The following ASIC2 variants were observed in gnomAD, a reference collection of about 807,000 sequenced individuals.
ASIC2 encodes acid-sensing ion channel 2.
A neutral mutation model predicts 57.3 loss-of-function variants in ASIC2; 25 were observed. The observed-to-expected ratio is 0.44, with a 90% CI of 0.32 to 0.61. ASIC2 has a LOEUF of 0.61. Among genes scored for constraint, ASIC2 ranks in the 20% least tolerant of loss-of-function variants. The pLI is 0.06. For missense variants in ASIC2, 641 were observed against 738.1 expected (o/e 0.87, Z 1.52); for synonymous variants, 319 against 307.5 (o/e 1.04, Z -0.39).
chr17:34,069,344 T>TCC (rs1909305266), intron 1 of ASIC2: 3 of 46,456 alleles, frequency 6.5e-5, no homozygotes, highest in Non-Finnish European at 1.4e-4. Context: ...TTTCTTTCAT[T>TCC]TTTTTCTTTC....
chr17:33,243,880 T>C (rs1354141827), intron 1 of ASIC2, among the ~76,000 whole-genome samples: 4 of 152,156 alleles, frequency 2.6e-5, no homozygotes, highest in African/African-American at 7.2e-5. Flanking sequence ...TAACCGGGAG[T>C]TGGGAAAAGC....
chr17:34,151,346 T>C (rs1904519247), intron 1 of ASIC2, among the ~76,000 whole-genome samples: 2 of 152,286 alleles, frequency 1.3e-5, no homozygotes, highest in South Asian at 4.1e-4. Context: ...GGCTGGGAGT[T>C]CTACAATGGC....
At chr17:33,827,337 C>CTTTTTTTGTTTTTTTTTTTTTTT (rs1912954820) in intron 1 of ASIC2, among the ~76,000 whole-genome samples, 1 of 76,536 alleles carries the variant, frequency 1.3e-5, no homozygotes, top group African/African-American at 5.0e-5. Flanking sequence ...GCAGCTCACT[C>CTTTTTTTGTTTTTTTTTTTTTTT]TTTTTTTTTT....
intron 1 of ASIC2, among the ~76,000 whole-genome samples, chr17:34,046,986 A>G (rs562785245): frequency 6.6e-6 from 1 of 152,294 alleles, no homozygotes; most frequent in South Asian, 2.1e-4. Flanking sequence ...GAACTTATTT[A>G]TGCTATCTCA....
At chr17:33,626,159 T>C (rs1484951202) in intron 1 of ASIC2, among the ~76,000 whole-genome samples, 1 of 152,208 alleles carries the variant, frequency 6.6e-6, no homozygotes, top group African/African-American at 2.4e-5. Flanking sequence ...AGGCCTTAAG[T>C]TCTTTGTTAA....
intron 4 of ASIC2, among the ~76,000 whole-genome samples, chr17:33,027,808 A>G (rs1270364147): frequency 6.6e-6 from 1 of 152,212 alleles, no homozygotes; most frequent in Non-Finnish European, 1.5e-5. Context: ...GTGCACATTT[A>G]TTTGCTGGCC....
At chr17:33,255,546 T>C (rs1909035724) in intron 1 of ASIC2, among the ~76,000 whole-genome samples, 1 of 143,462 alleles carries the variant, frequency 7.0e-6, no homozygotes, top group African/African-American at 2.6e-5. Context: ...TGTGGAAATG[T>C]TCGCATCAGG....
At chr17:33,324,409 C>G (rs1906986438) in intron 1 of ASIC2, among the ~76,000 whole-genome samples, 1 of 152,124 alleles carries the variant, frequency 6.6e-6, no homozygotes, top group African/African-American at 2.4e-5. Context: ...GGTGTTCTGA[C>G]AGTGCTGTTC....
chr17:33,616,798 A>C (rs1905618340), intron 1 of ASIC2, among the ~76,000 whole-genome samples: 1 of 152,238 alleles, frequency 6.6e-6, no homozygotes, highest in Admixed American at 6.5e-5. Flanking sequence ...GAAAAATACC[A>C]TTCTTTAGCA....
intron 1 of ASIC2, chr17:34,001,246 C>T (rs1210764774): frequency 6.6e-6 from 1 of 152,200 alleles, no homozygotes; most frequent in Non-Finnish European, 1.5e-5. Flanking sequence ...TCTTCACCAG[C>T]TTACTTTCTC....
intron 1 of ASIC2, among the ~76,000 whole-genome samples, chr17:34,013,237 C>T (rs530044319): frequency 2.6e-5 from 4 of 152,106 alleles, no homozygotes; most frequent in Admixed American, 1.3e-4. Flanking sequence ...GGAGCTGAGA[C>T]GAGATGTTGT....
At chr17:33,229,756 C>G (rs774833586) in intron 1 of ASIC2, among the ~76,000 whole-genome samples, 2 of 152,216 alleles carry the variant, frequency 1.3e-5, no homozygotes, top group African/African-American at 2.4e-5. Flanking sequence ...TTGGAACAAG[C>G]TGCTTTTCCA....
chr17:33,139,069 C>T (rs2092377448), intron 1 of ASIC2, among the ~76,000 whole-genome samples: 1 of 152,150 alleles, frequency 6.6e-6, no homozygotes, highest in South Asian at 2.1e-4. Flanking sequence ...GCTGGACAAT[C>T]CCTAAACCTC....
intron 1 of ASIC2, among the ~76,000 whole-genome samples, chr17:34,127,382 G>A (rs537377365): frequency 1.3e-5 from 2 of 152,136 alleles, no homozygotes; most frequent in Admixed American, 6.5e-5. Context: ...GATGGTCTTG[G>A]GTTTACCCTC....
intron 1 of ASIC2, among the ~76,000 whole-genome samples, chr17:33,521,770 C>T (rs905420817): frequency 2.6e-5 from 4 of 152,204 alleles, no homozygotes; most frequent in African/African-American, 9.7e-5. Flanking sequence ...CCACGGTCAT[C>T]ATCTACCCTC....
intron 1 of ASIC2, among the ~76,000 whole-genome samples, chr17:33,683,945 G>T (rs34069671): frequency 1.3e-5 from 2 of 152,146 alleles, no homozygotes; most frequent in Non-Finnish European, 2.9e-5. Flanking sequence ...GGTACTGGGA[G>T]CTAGGACACT....
chr17:33,703,509 T>A (rs1728594671), intron 1 of ASIC2, among the ~76,000 whole-genome samples: 1 of 152,034 alleles, frequency 6.6e-6, no homozygotes, highest in Non-Finnish European at 1.5e-5. Flanking sequence ...CAAGCCACCA[T>A]GCCCGACTAA....
intron 1 of ASIC2, among the ~76,000 whole-genome samples, chr17:33,755,042 G>A (rs1334162470): frequency 1.3e-5 from 2 of 151,742 alleles, no homozygotes; most frequent in South Asian, 2.1e-4. Flanking sequence ...TTGCTGATGG[G>A]ATTAAGTTAA....
At chr17:33,057,175 C>T (rs946799515) in intron 3 of ASIC2, among the ~76,000 whole-genome samples, 1 of 152,160 alleles carries the variant, frequency 6.6e-6, no homozygotes, top group Admixed American at 6.5e-5. Flanking sequence ...TCCTGGGCCT[C>T]ACCTTGAGAG....
Sources: allele counts gnomAD v4.1 joint callset (sites outside exome capture counted in the v4.1 genomes callset), GRCh38; gene constraint gnomAD v4.1.1; transcripts MANE v1.5; gene names NCBI Gene and HGNC (gene_info 2026-07-23, HGNC 2026-07-21).